Variants in NFATC4 observed in about 807,000 individuals in gnomAD.
NFATC4 encodes the protein nuclear factor of activated T cells 4, also known as nuclear factor of activated T-cells, cytoplasmic 4.
NFATC4 carries 25 observed loss-of-function variants against 73.4 expected under a neutral mutation model. The observed-to-expected ratio is 0.34, with a 90% CI of 0.25 to 0.48. The LOEUF (loss-of-function observed/expected upper bound fraction) is 0.48, where lower values mean the gene tolerates loss of function less well. NFATC4 is among the 20% of genes least tolerant of loss of function. The pLI is 0.99. For synonymous variants in NFATC4, 523 were observed against 510.3 expected (o/e 1.02, Z -0.34); for missense variants, 1,130 against 1,203.7 (o/e 0.94, Z 0.91).
intron 1 of NFATC4, 75 bp from the exon 2 acceptor site, chr14:24,369,424 C>T: frequency 6.2e-7 from 1 of 1,608,616 alleles, no homozygotes; most frequent in Non-Finnish European, 8.5e-7. Flanking sequence ...GCGGCCTGGC[C>T]ACTCAAGGAA....
intron 1 of NFATC4, 83 bp from the exon 2 acceptor site, chr14:24,369,416 G>T: frequency 6.2e-7 from 1 of 1,607,032 alleles, no homozygotes; most frequent in Non-Finnish European, 8.5e-7. Flanking sequence ...AAGGACTTGC[G>T]GCCTGGCCAC....
rs1204593476 is a variant in NFATC4, at chr14:24,374,095, C to T, written c.1732+228C>T. 17 of 886,948 alleles carry T rather than the reference C, an allele frequency of 1.9e-5. 1 individual carries two copies. Among genetic ancestry groups the T allele is most frequent in the Non-Finnish European group, 3.1e-5 (17 of 553,352 alleles). 54.9% of individuals were successfully genotyped at this position (886,948 alleles called of 1,614,324 possible). On this transcript the variant is annotated intron_variant, in intron 5 of 9. Coordinates refer to ENST00000250373, the MANE Select transcript of NFATC4 (RefSeq NM_004554.5). ...TATCTATTCCTGGGGTGCCCTGTGC[C>T]CTTGTTTGGGAAACTCCCTGGTCTA...
Position 24,377,892 on chromosome 14 carries a change from G to A in NFATC4, c.*187G>A, listed in dbSNP as rs2042671158. ...AGGTGTGGCCCTCAGGCCTGGTGCT[G>A]CCTTGGAGGGCTGGGGGAAGGAGTG... On this transcript the variant is annotated 3_prime_UTR_variant, in exon 10 of 10. Transcript: ENST00000250373. This position sits in a 1 kb window ranked among gnomAD's most constrained non-coding sequence, Gnocchi z 4.2. 3 of 1,209,256 alleles carry A rather than the reference G, an allele frequency of 2.5e-6. No homozygotes were observed. The Admixed American group carries it at 7.9e-5, about 32-fold the overall frequency. 74.9% of individuals were successfully genotyped at this position (1,209,256 alleles called of 1,614,324 possible).
At chr14:24,367,803 A>C, upstream of NFATC4, 3 of 1,339,776 alleles carry the variant, frequency 2.2e-6, no homozygotes, top group Non-Finnish European at 3.0e-6. Flanking sequence ...TTCAGAATTT[A>C]AAAAAGGGTC....
At chr14:24,375,757 G>GGCC in intron 7 of NFATC4, 42 bp downstream of exon 7, 3 of 566,430 alleles carry the variant, frequency 5.3e-6, no homozygotes, top group South Asian at 1.5e-5. Flanking sequence ...GCGGGGGTGG[G>GGCC]AGAAGGCAGG....
At position 24,368,300 on chromosome 14, in the gene NFATC4, C is replaced by G. The variant is rs200387476; in HGVS notation, c.-41C>G. 5.5e-5 allele frequency: 76 copies of G among 1,378,476 alleles called. No homozygotes were observed. The East Asian group carries it at 2.3e-3, about 41-fold the overall frequency. The allele number at this position is 1,378,476 out of a possible 1,614,324, so 85.4% of individuals were successfully genotyped here. On this transcript the variant is annotated 5_prime_UTR_variant, in exon 1 of 10. Coordinates refer to ENST00000250373, the MANE Select transcript of NFATC4 (RefSeq NM_004554.5). ...GATACAGCAGCCTCCTGAACTCCCCCCTCCCACCCAGGCCGGGACCTGGGG... is the reference window on the plus strand; with the variant it reads ...GATACAGCAGCCTCCTGAACTCCCCGCTCCCACCCAGGCCGGGACCTGGGG...
Position 24,370,582 on chromosome 14 carries a change from G to A in NFATC4, c.1184G>A (p.Ser395Asn). The A allele has an allele frequency of 6.2e-7, 1 of 1,608,186 alleles. No homozygotes were observed. The highest frequency in any genetic ancestry group is 8.5e-7 in the Non-Finnish European group (1 of 1,175,166). Reference sequence around the variant, plus strand: ...TCCAAGGCCCGGATTGGGGGACACAGCCCTATCTTCAGGTGAGGGTTGCGC... The same window carrying A: ...TCCAAGGCCCGGATTGGGGGACACAACCCTATCTTCAGGTGAGGGTTGCGC... ...AWSKARIGGHSPIFRTSALPP... is the reference protein window; with the variant it reads ...AWSKARIGGHNPIFRTSALPP... The change falls in exon 2 of 10, where the codon AGC becomes AAC. Residue 395 changes from serine to asparagine, a missense_variant. Ser to Asn is a conservative substitution (Grantham distance 46). Transcript: ENST00000250373.
chr14:24,375,500 C>T (rs982274881), intron 6 of NFATC4, among the ~76,000 whole-genome samples, 160 bp from the exon 7 acceptor site: 1 of 152,186 alleles, frequency 6.6e-6, no homozygotes, highest in Non-Finnish European at 1.5e-5. Context: ...ACCTCTTCCA[C>T]TCATATTAAG....
In NFATC4 at chr14:24,368,275, G is replaced by A. The variant is rs781131674; in HGVS notation, c.-66G>A. 13 of 1,365,960 alleles carry A rather than the reference G, an allele frequency of 9.5e-6. No homozygotes were observed. The highest frequency in any genetic ancestry group is 5.5e-4 in the Middle Eastern group (2 of 3,664). 84.6% of individuals were successfully genotyped at this position (1,365,960 alleles called of 1,614,324 possible). ...GGAGGGAGGGAGCCACCCGGGTGAAGATACAGCAGCCTCCTGAACTCCCCC... is the reference window on the plus strand; with the variant it reads ...GGAGGGAGGGAGCCACCCGGGTGAAAATACAGCAGCCTCCTGAACTCCCCC... On this transcript the variant is annotated 5_prime_UTR_variant, in exon 1 of 10. Transcript: ENST00000250373.
At chr14:24,367,570 T>C (rs2042339446), upstream of NFATC4, 3 of 1,536,188 alleles carry the variant, frequency 2.0e-6, no homozygotes, top group Non-Finnish European at 2.6e-6. Context: ...TTCTTCATCT[T>C]TGGGGGTCCT....
At position 24,370,576 on chromosome 14, in the gene NFATC4, G is replaced by A; in HGVS notation, c.1178G>A (p.Gly393Glu). Residue 393 changes from glycine to glutamate, a missense_variant, in exon 2 of 10, where the codon GGA becomes GAA. Transcript: ENST00000250373. ...GCTTGGTCCAAGGCCCGGATTGGGG[G>A]ACACAGCCCTATCTTCAGGTGAGGG... The part of the protein sequence containing the change: ...PLAWSKARIG[G>E]HSPIFRTSAL... 1 of 1,610,016 alleles carries A rather than the reference G, an allele frequency of 6.2e-7. No homozygotes were observed.
chr14:24,373,268 G>A lies in NFATC4; in HGVS notation c.1457G>A (p.Arg486His), dbSNP rs774541003. Residue 486 changes from arginine to histidine, a missense_variant, in exon 4 of 10, where the codon CGT (arginine) becomes CAT (histidine). This residue lies in a region of NFATC4 where 155 missense variants were observed against 221.2 expected (regional missense o/e 0.70). Coordinates refer to ENST00000250373, the MANE Select transcript of NFATC4 (RefSeq NM_004554.5). This position sits in a 1 kb window ranked among gnomAD's most constrained non-coding sequence, Gnocchi z 4.7. ...LRPHAFYQVH[R>H]ITGKMVATAS... ...CCTCATGCCTTCTATCAGGTGCACC[G>A]TATCACAGGCAAGATGGTGGCCACG... 15 of 1,614,066 alleles carry A rather than the reference G, an allele frequency of 9.3e-6. No homozygotes were observed. The highest frequency in any genetic ancestry group is 2.2e-5 in the East Asian group (1 of 44,884).
chr14:24,367,391 C>T (rs1196165793), upstream of NFATC4: 2 of 1,535,688 alleles, frequency 1.3e-6, no homozygotes, highest in Admixed American at 3.9e-5. Flanking sequence ...AGGGAGGAGG[C>T]TGCCAACTTC....
At position 24,368,339 on chromosome 14, in the gene NFATC4, C is replaced by T. The variant is rs1041708126; in HGVS notation, c.-2C>T. On this transcript the variant is annotated 5_prime_UTR_variant, in exon 1 of 10. Coordinates refer to ENST00000250373, the MANE Select transcript of NFATC4 (RefSeq NM_004554.5). ...CGGGACCTGGGGGCTCCTGCCGGATCCATGGGGGCGGCCAGCTGCGAGGAT... is the reference window on the plus strand; with the variant it reads ...CGGGACCTGGGGGCTCCTGCCGGATTCATGGGGGCGGCCAGCTGCGAGGAT... 5.0e-6 allele frequency: 7 copies of T among 1,389,176 alleles called. No individual in the cohort carries two copies. The highest frequency in any genetic ancestry group is 6.5e-6 in the Non-Finnish European group (7 of 1,072,734). 86.1% of individuals were successfully genotyped at this position (1,389,176 alleles called of 1,614,324 possible). A position where few individuals can be genotyped will look rare whatever the true frequency, so the allele number is the denominator to read the frequency against.
At position 24,378,825 on chromosome 14, in the gene NFATC4, G is replaced by GA. The variant is rs548826635; in HGVS notation, c.*1121dup. 251 of 152,454 alleles carry GA rather than the reference G, an allele frequency of 1.6e-3. No homozygotes were observed. The highest frequency in any genetic ancestry group is 3.4e-3 in the Middle Eastern group (1 of 296). 9.4% of individuals were successfully genotyped at this position (152,454 alleles called of 1,614,324 possible). On this transcript the variant is annotated 3_prime_UTR_variant, in exon 10 of 10. Coordinates refer to ENST00000250373, the MANE Select transcript of NFATC4 (RefSeq NM_004554.5). ...AATAGCTGGTACATCCATCACCACT[G>GA]ACGGGCCTGGCCTGGAAACCTGGTT...
At chr14:24,368,573 T>C in intron 1 of NFATC4, 133 bp downstream of exon 1, 1 of 787,840 alleles carries the variant, frequency 1.3e-6, no homozygotes, top group Non-Finnish European at 1.6e-6. Flanking sequence ...TCGGGGGGAC[T>C]CGTTGGCCTG....
Position 24,368,416 on chromosome 14 carries a change from CTGGGCGCGGGGG to C in NFATC4, c.77_88del (p.Leu26_Gly30delinsArg), listed in dbSNP as rs2042364644. 1.5e-6 allele frequency: 2 copies of C among 1,342,948 alleles called. No individual in the cohort carries two copies. Among genetic ancestry groups the C allele is most frequent in the Non-Finnish European group, 1.9e-6 (2 of 1,045,074 alleles). The allele number at this position is 1,342,948 out of a possible 1,614,324, so 83.2% of individuals were successfully genotyped here. A position where few individuals can be genotyped will look rare whatever the true frequency, so the allele number is the denominator to read the frequency against. On this transcript the variant is annotated inframe_deletion, in exon 1 of 10. Transcript: ENST00000250373. Reference sequence around the variant, plus strand: ...CGGGGAGGAAAAGGAGGCCCCCCCGCTGGGCGCGGGGGGATTGGGGGAAGGTTAGTGCTGGGC... The same window carrying C: ...CGGGGAGGAAAAGGAGGCCCCCCCGCGATTGGGGGAAGGTTAGTGCTGGGC...
At chr14:24,368,558 G>T in intron 1 of NFATC4, 118 bp downstream of exon 1, 1 of 1,077,934 alleles carries the variant, frequency 9.3e-7, no homozygotes, top group Non-Finnish European at 1.2e-6. Flanking sequence ...AGAGGTCGAA[G>T]GGAGTCGGGG....
Position 24,370,403 on chromosome 14 carries a change from C to G in NFATC4, c.1005C>G (p.Ser335Arg). ...CTCAGAAGACACGGCGGACTTCCAG[C>G]GAGCAGGCAGTGGCTCTGCCTCGGT... ...SIPQKTRRTS[S>R]EQAVALPRSE... The change falls in exon 2 of 10, where the codon AGC becomes AGG. Residue 335 changes from serine to arginine, a missense_variant. Physicochemically the swap from Ser to Arg is moderately radical, Grantham distance 110. Transcript: ENST00000250373. The G allele has an allele frequency of 6.2e-7, 1 of 1,614,052 alleles. No individual in the cohort carries two copies. Among genetic ancestry groups the G allele is most frequent in the Non-Finnish European group, 8.5e-7 (1 of 1,180,032 alleles).
Sources: gnomAD v4.1 joint callset for allele counts (sites outside exome capture counted in the v4.1 genomes callset) on GRCh38, gnomAD v4.1.1 for gene constraint, gnomAD v4.1.1 regional missense constraint, Gnocchi (gnomAD v3.1) non-coding constraint, MANE v1.5 for transcripts, NCBI Gene and HGNC (gene_info 2026-07-23, HGNC 2026-07-21) for gene names.